HBS1L: variants seen among roughly 807,000 people sequenced by gnomAD.
HBS1L encodes HBS1 like translational GTPase.
A neutral mutation model predicts 88.9 loss-of-function variants in HBS1L; 55 were observed. That is an observed-to-expected ratio of 0.62 (90% CI 0.50 to 0.77). The LOEUF (loss-of-function observed/expected upper bound fraction) is 0.77. Ranked by LOEUF, HBS1L falls within the 30% of genes least tolerant of loss-of-function variation. HBS1L has a pLI of 0.00. For missense variants in HBS1L, 741 were observed against 829.3 expected (o/e 0.89, Z 1.31); for synonymous variants, 267 against 288.5 (o/e 0.93, Z 0.76).
intron 4 of HBS1L, among the ~76,000 whole-genome samples, chr6:135,012,242 T>G (rs1201127593): frequency 6.6e-6 from 1 of 152,200 alleles, no homozygotes; most frequent in African/African-American, 2.4e-5. Context: ...GACCTACATG[T>G]ATGAAAAGAT....
At chr6:134,997,350 G>A (rs746862229) in intron 6 of HBS1L, 47 bp downstream of exon 6, 8 of 1,609,096 alleles carry the variant, frequency 5.0e-6, no homozygotes, top group South Asian at 4.4e-5. Flanking sequence ...ACAGTGGGCA[G>A]GCTAAGGCAT....
chr6:135,052,302 G>A (rs1334362719), intron 1 of HBS1L, among the ~76,000 whole-genome samples: 1 of 152,118 alleles, frequency 6.6e-6, no homozygotes, highest in African/African-American at 2.4e-5. Flanking sequence ...TTTAGATATT[G>A]AAGACAACAA....
At chr6:135,000,587 A>C (rs1775423420) in intron 5 of HBS1L, among the ~76,000 whole-genome samples, 1 of 152,132 alleles carries the variant, frequency 6.6e-6, no homozygotes, top group Non-Finnish European at 1.5e-5. Flanking sequence ...ATATTATTAA[A>C]GAAAAAGAAA....
rs80230370 is a variant in HBS1L, at chr6:134,968,028, T to C, written c.1898+1210A>G. On this transcript the variant is annotated intron_variant, in intron 16 of 17. Coordinates refer to ENST00000367837, the MANE Select transcript of HBS1L (RefSeq NM_006620.4). ...TCCTAACAGAGAAACAGGCAAGGGT[T>C]TAGAGCAATGTGAGATTTTCTCTTC... 5.5e-3 allele frequency among the ~76,000 whole-genome samples: 835 copies of C among 152,226 alleles called. 8 individuals carry two copies. The highest frequency in any genetic ancestry group is 0.017 in the African/African-American group (702 of 41,548).
In HBS1L at chr6:134,987,857, T is replaced by C. The variant is rs546363360; in HGVS notation, c.1084-66A>G. ...GCATTTTAATTCAAAGGACAGATTATTCAATTAATTATGTTAGTCACATTT... is the reference window on the plus strand; with the variant it reads ...GCATTTTAATTCAAAGGACAGATTACTCAATTAATTATGTTAGTCACATTT... On this transcript the variant is annotated intron_variant, in intron 8 of 17. Transcript: ENST00000367837. The C allele has an allele frequency of 7.4e-6, 10 of 1,345,352 alleles. No individual in the cohort carries two copies. In the South Asian group the frequency reaches 1.8e-4, roughly 25 times the overall value. The allele number at this position is 1,345,352 out of a possible 1,614,324, so 83.3% of individuals were successfully genotyped here. A position where few individuals can be genotyped will look rare whatever the true frequency, so the allele number is the denominator to read the frequency against.
chr6:135,001,218 G>A (rs1356277469), intron 5 of HBS1L, among the ~76,000 whole-genome samples: 1 of 152,130 alleles, frequency 6.6e-6, no homozygotes, highest in Non-Finnish European at 1.5e-5. Context: ...AACATTAACA[G>A]TCCCTGGCCT....
At chr6:135,005,693 A>T (rs1446817856) in intron 4 of HBS1L, among the ~76,000 whole-genome samples, 3 of 152,236 alleles carry the variant, frequency 2.0e-5, no homozygotes, top group Non-Finnish European at 1.5e-5. Context: ...AGAGATCATC[A>T]ATATTTTAGA....
At chr6:135,050,216 C>T (rs967017794) in intron 2 of HBS1L, among the ~76,000 whole-genome samples, 3 of 152,212 alleles carry the variant, frequency 2.0e-5, no homozygotes, top group Non-Finnish European at 4.4e-5. Flanking sequence ...AGGCATAACA[C>T]CTCCAAGTTT....
At chr6:135,005,361 T>C (rs1421603774) in intron 4 of HBS1L, among the ~76,000 whole-genome samples, 1 of 152,184 alleles carries the variant, frequency 6.6e-6, no homozygotes, top group East Asian at 1.9e-4. Flanking sequence ...CACTTATTGC[T>C]CCTACTGAAA....
intron 4 of HBS1L, among the ~76,000 whole-genome samples, chr6:135,014,584 G>A (rs1179465148): frequency 6.6e-6 from 1 of 152,192 alleles, no homozygotes; most frequent in Admixed American, 6.6e-5. Context: ...GAACAGACAT[G>A]AGAGTCAATA....
intron 4 of HBS1L, among the ~76,000 whole-genome samples, chr6:135,003,447 G>C (rs1307894249): frequency 1.3e-5 from 2 of 151,912 alleles, no homozygotes; most frequent in East Asian, 1.9e-4. Flanking sequence ...TGTGCCTATA[G>C]TCCCAGCTAC....
In HBS1L at chr6:134,961,284, T is replaced by C. The variant is rs141763394; in HGVS notation, c.*3995A>G. 144 of 152,312 alleles carry C rather than the reference T, an allele frequency of 9.5e-4. No individual in the cohort carries two copies. The highest frequency in any genetic ancestry group is 3.3e-3 in the African/African-American group (138 of 41,568). The allele number at this position is 152,312 out of a possible 1,614,324, so 9.4% of individuals were successfully genotyped here. On this transcript the variant is annotated 3_prime_UTR_variant, in exon 18 of 18. Coordinates refer to ENST00000367837, the MANE Select transcript of HBS1L (RefSeq NM_006620.4). The stretch of plus-strand genomic sequence containing the variant: ...CCCCATATTTGGTGCAATAATTTAA[T>C]TCACTTACTTCATTATTTTGTTTTG...
At chr6:135,020,664 G>A (rs1337317873) in intron 4 of HBS1L, among the ~76,000 whole-genome samples, 1 of 151,938 alleles carries the variant, frequency 6.6e-6, no homozygotes, top group African/African-American at 2.4e-5. Flanking sequence ...TTCTGAAGAA[G>A]TGTGCTAAAA....
chr6:135,024,432 T>C (rs1375587872), intron 4 of HBS1L, among the ~76,000 whole-genome samples: 5 of 133,614 alleles, frequency 3.7e-5, no homozygotes, highest in Non-Finnish European at 7.7e-5. Context: ...AGAGTGAGAC[T>C]TCGTCTCAAA....
intron 4 of HBS1L, among the ~76,000 whole-genome samples, chr6:135,018,461 C>T (rs994014760): frequency 1.3e-4 from 20 of 151,974 alleles, no homozygotes; most frequent in Admixed American, 5.9e-4. Context: ...TAACACTGAA[C>T]CAGCAATTTT....
Position 134,964,203 on chromosome 6 carries a change from T to C in HBS1L, c.*1076A>G, listed in dbSNP as rs545160521. The C allele has an allele frequency of 1.3e-5, 2 of 152,128 alleles. No individual in the cohort carries two copies. The highest frequency in any genetic ancestry group is 4.8e-5 in the African/African-American group (2 of 41,526). 9.4% of individuals were successfully genotyped at this position (152,128 alleles called of 1,614,324 possible). A position where few individuals can be genotyped will look rare whatever the true frequency, so the allele number is the denominator to read the frequency against. ...CGCTGCTAATAAAAAAAAAAGCTTA[T>C]CATAAACAGTCTATCAGATCAGAGT... On this transcript the variant is annotated 3_prime_UTR_variant, in exon 18 of 18. Coordinates refer to ENST00000367837, the MANE Select transcript of HBS1L (RefSeq NM_006620.4).
intron 2 of HBS1L, among the ~76,000 whole-genome samples, chr6:135,049,201 G>A (rs1233095602): frequency 1.3e-5 from 2 of 152,194 alleles, no homozygotes; most frequent in Non-Finnish European, 2.9e-5. Flanking sequence ...CAGTCTGTGT[G>A]TGGTGAACAC....
At position 134,972,720 on chromosome 6, in the gene HBS1L, T is replaced by A. The variant is rs140806330; in HGVS notation, c.1798-3382A>T. Among the ~76,000 whole-genome samples the A allele has an allele frequency of 2.6e-3, 401 of 152,216 alleles. 2 individuals are homozygous for A. Among genetic ancestry groups the A allele is most frequent in the African/African-American group, 9.5e-3 (394 of 41,542 alleles). ...GTAATAAGGGATGATATTAAGAACT[T>A]CTATTAATAACAACACAACCTAATT... On this transcript the variant is annotated intron_variant, in intron 15 of 17. Transcript: ENST00000367837.
At chr6:135,020,074 CAG>C (rs1461409300) in intron 4 of HBS1L, among the ~76,000 whole-genome samples, 2 of 150,030 alleles carry the variant, frequency 1.3e-5, no homozygotes, top group Non-Finnish European at 3.0e-5. Context: ...GAATATATAT[CAG>C]ACTGTTGAAA....
Sources: gnomAD v4.1 joint callset for allele counts (sites outside exome capture counted in the v4.1 genomes callset) on GRCh38, gnomAD v4.1.1 for gene constraint, MANE v1.5 for transcripts, NCBI Gene and HGNC (gene_info 2026-07-23, HGNC 2026-07-21) for gene names.